DNER: variants seen among roughly 807,000 people sequenced by gnomAD.
DNER encodes the protein delta and Notch-like epidermal growth factor-related receptor.
A neutral mutation model predicts 78.2 loss-of-function variants in DNER; 33 were observed. That is an observed-to-expected ratio of 0.42 (90% confidence interval 0.32 to 0.56). The LOEUF (loss-of-function observed/expected upper bound fraction) is 0.56, where lower values mean the gene tolerates loss of function less well. Among genes scored for constraint, DNER ranks in the 20% least tolerant of loss-of-function variants. The probability of loss-of-function intolerance (pLI) is 0.11; values close to 1 mark genes in which losing one functional copy is unlikely to be tolerated. For synonymous variants in DNER, 417 were observed against 384.8 expected, an observed-to-expected ratio of 1.08 and a Z score of -0.98; for missense variants, 918 against 975.3, an observed-to-expected ratio of 0.94 and a Z score of 0.78.
chr2:229,692,769 A>G (rs1699600799), intron 1 of DNER, among the ~76,000 whole-genome samples: 1 of 152,200 alleles, frequency 6.6e-6, no homozygotes, highest in Admixed American at 6.5e-5. Context: ...TTCATTCCAC[A>G]TAGTTTTAAA....
At chr2:229,629,624 T>C (rs1026079294) in intron 1 of DNER, among the ~76,000 whole-genome samples, 1 of 152,170 alleles carries the variant, frequency 6.6e-6, no homozygotes, top group African/African-American at 2.4e-5. Flanking sequence ...CATCCCAAAA[T>C]GAAAATGTTC....
chr2:229,668,573 T>TATATAC lies in DNER; in HGVS notation c.276+45574_276+45575insGTATAT, dbSNP rs1553550488. 4.3e-3 allele frequency among the ~76,000 whole-genome samples: 394 copies of TATATAC among 91,224 alleles called. 10 individuals are homozygous for TATATAC. Among genetic ancestry groups the TATATAC allele is most frequent in the African/African-American group, 0.013 (214 of 16,822 alleles). The allele number at this position is 91,224 out of a possible 152,430, so 59.8% of individuals were successfully genotyped here. A position where few individuals can be genotyped will look rare whatever the true frequency, so the allele number is the denominator to read the frequency against. The stretch of plus-strand genomic sequence containing the variant: ...ATATATATATATATATATATATATA[T>TATATAC]ATATATAAAAGAAGACATTTATGTG... On this transcript the variant is annotated intron_variant, in intron 1 of 12. Coordinates refer to ENST00000341772, the MANE Select transcript of DNER (RefSeq NM_139072.4).
intron 1 of DNER, among the ~76,000 whole-genome samples, chr2:229,601,463 A>G (rs182562877): frequency 1.3e-5 from 2 of 152,352 alleles, no homozygotes; most frequent in African/African-American, 2.4e-5. Flanking sequence ...TATATGTCTT[A>G]GTGAAATACA....
At chr2:229,572,766 G>A (rs1480964714) in intron 4 of DNER, among the ~76,000 whole-genome samples, 2 of 152,142 alleles carry the variant, frequency 1.3e-5, no homozygotes, top group African/African-American at 4.8e-5. Flanking sequence ...CGACAGGAAT[G>A]CATTTTTTCC....
chr2:229,461,683 G>T lies in DNER; in HGVS notation c.1262-14143C>A, dbSNP rs533060707. 1.8e-4 allele frequency among the ~76,000 whole-genome samples: 27 copies of T among 152,136 alleles called. 1 individual carries two copies. The South Asian group carries it at 4.8e-3, about 27-fold the overall frequency. On this transcript the variant is annotated intron_variant, in intron 7 of 12. Coordinates refer to ENST00000341772, the MANE Select transcript of DNER (RefSeq NM_139072.4). ...GAGGAATAATATACAGTCCTAACTG[G>T]AAGCTAATAAGCAAATATATTTGGA...
chr2:229,417,731 C>G (rs1391499310), intron 9 of DNER, among the ~76,000 whole-genome samples: 2 of 152,216 alleles, frequency 1.3e-5, no homozygotes, highest in Non-Finnish European at 2.9e-5. Context: ...GAAAGCACAG[C>G]ATTCTATCTC....
chr2:229,476,988 AGGG>A (rs760212234), intron 7 of DNER, 149 bp downstream of exon 7: 43 of 573,658 alleles, frequency 7.5e-5, no homozygotes, highest in Non-Finnish European at 1.3e-4. Flanking sequence ...AGAGCTAAAA[AGGG>A]GGACTATCTT....
At chr2:229,596,961 A>T (rs1697726559) in intron 1 of DNER, among the ~76,000 whole-genome samples, 1 of 152,154 alleles carries the variant, frequency 6.6e-6, no homozygotes, top group African/African-American at 2.4e-5. Context: ...ATGCACGCAT[A>T]TACATGCACA....
chr2:229,484,958 T>C (rs933872165), intron 6 of DNER, among the ~76,000 whole-genome samples: 2 of 152,204 alleles, frequency 1.3e-5, no homozygotes, highest in Admixed American at 1.3e-4. Flanking sequence ...TTATAATCCC[T>C]AGCAAATTCA....
chr2:229,489,301 T>C (rs1449023653), intron 6 of DNER, among the ~76,000 whole-genome samples: 1 of 152,042 alleles, frequency 6.6e-6, no homozygotes, highest in African/African-American at 2.4e-5. Flanking sequence ...TCATCATAAA[T>C]AAAGGAAACT....
At chr2:229,555,135 A>G (rs1296280943) in intron 4 of DNER, among the ~76,000 whole-genome samples, 1 of 152,230 alleles carries the variant, frequency 6.6e-6, no homozygotes, top group Non-Finnish European at 1.5e-5. Flanking sequence ...TTGGTGTCTC[A>G]GTAAAGACAG....
chr2:229,614,913 T>A (rs1394571703), intron 1 of DNER, among the ~76,000 whole-genome samples: 1 of 152,232 alleles, frequency 6.6e-6, no homozygotes, highest in Non-Finnish European at 1.5e-5. Flanking sequence ...TCTGTATGTA[T>A]AGTTGCTTTT....
chr2:229,382,213 G>C (rs207659), intron 11 of DNER, among the ~76,000 whole-genome samples: 4,317 of 152,246 alleles, frequency 0.028, 203 homozygotes, highest in African/African-American at 0.098. Flanking sequence ...GAAAGGAATA[G>C]CATCAACATC....
chr2:229,582,519 A>G (rs1407638688), intron 4 of DNER, among the ~76,000 whole-genome samples: 2 of 151,922 alleles, frequency 1.3e-5, no homozygotes, highest in East Asian at 1.9e-4. Context: ...AAAGATATCA[A>G]ATTTTCAAAA....
At chr2:229,491,403 GAA>G (rs1695396625) in intron 6 of DNER, among the ~76,000 whole-genome samples, 1 of 152,148 alleles carries the variant, frequency 6.6e-6, no homozygotes, top group Non-Finnish European at 1.5e-5. Context: ...TTCATCAGGT[GAA>G]GCTCTCATGA....
chr2:229,539,003 G>A (rs192964322), intron 5 of DNER, among the ~76,000 whole-genome samples: 1 of 152,182 alleles, frequency 6.6e-6, no homozygotes, highest in Admixed American at 6.5e-5. Context: ...CAGAGCTCTG[G>A]GCACCTAAGC....
intron 5 of DNER, among the ~76,000 whole-genome samples, chr2:229,529,026 G>A (rs897767839): frequency 6.6e-6 from 1 of 152,104 alleles, no homozygotes; most frequent in African/African-American, 2.4e-5. Flanking sequence ...TGATTAAATT[G>A]CAAAATGGAT....
In DNER at chr2:229,369,122, T is replaced by G. The variant is rs548935340; in HGVS notation, c.1856-2003A>C. ...TTTGTAAAATGGAAATAACAACATA[T>G]ACCCCATTGGCTTGCTGCAGCATGA... On this transcript the variant is annotated intron_variant, in intron 11 of 12. Transcript: ENST00000341772. 3.3e-5 allele frequency among the ~76,000 whole-genome samples: 5 copies of G among 152,242 alleles called. No individual in the cohort carries two copies. The South Asian group carries it at 1.0e-3, about 32-fold the overall frequency.
rs113904104 is a variant in DNER at position 229,588,862 on chromosome 2, T to A, written c.586-374A>T. On this transcript the variant is annotated intron_variant, in intron 2 of 12. Coordinates refer to ENST00000341772, the MANE Select transcript of DNER (RefSeq NM_139072.4). ...TAACCAGGAGGCCAACTTTAAGGAC[T>A]AACTTACAAACAGCAGGTAAAAGCC... is the stretch of plus-strand genomic sequence containing the variant. Among the ~76,000 whole-genome samples, 459 of 152,296 alleles carry A rather than the reference T, an allele frequency of 3.0e-3. 2 individuals carry two copies. Among genetic ancestry groups the A allele is most frequent in the Non-Finnish European group, 5.8e-3 (394 of 68,026 alleles).
Sources: allele counts gnomAD v4.1 joint callset (sites outside exome capture counted in the v4.1 genomes callset), GRCh38; gene constraint gnomAD v4.1.1; transcripts MANE v1.5; gene names NCBI Gene and HGNC (gene_info 2026-07-23, HGNC 2026-07-21).